CDC42BPA: variants seen among roughly 807,000 people sequenced by gnomAD.
The protein encoded by CDC42BPA is CDC42 binding protein kinase alpha.
Under a neutral mutation model 223.5 loss-of-function variants are expected in CDC42BPA, and 80 were observed. That is an observed-to-expected ratio of 0.36 (90% CI 0.30 to 0.43). The LOEUF (loss-of-function observed/expected upper bound fraction) is 0.43. Ranked by LOEUF, CDC42BPA falls within the 20% of genes least tolerant of loss-of-function variation. The probability of loss-of-function intolerance (pLI) is 1.00; values close to 1 mark genes in which losing one functional copy is unlikely to be tolerated. For missense variants in CDC42BPA, 1,743 were observed against 2,099.9 expected, an observed-to-expected ratio of 0.83 and a Z score of 3.32; for synonymous variants, 694 against 718.6, an observed-to-expected ratio of 0.97 and a Z score of 0.55.
Position 227,015,763 on chromosome 1 carries a change from C to T in CDC42BPA, c.4857+317G>A, listed in dbSNP as rs1047269283. 2.0e-5 allele frequency among the ~76,000 whole-genome samples: 3 copies of T among 152,156 alleles called. No homozygotes were observed. The East Asian group carries it at 5.8e-4, about 29-fold the overall frequency. ...TGAAATTTTAGTGATTTGGTAACCA[C>T]ATTCCAAATGTGGTATAGAACCTCT... On this transcript the variant is annotated intron_variant, in intron 34 of 36. Coordinates refer to ENST00000366766, the MANE Select transcript of CDC42BPA (RefSeq NM_001394014.1).
In CDC42BPA at chr1:227,259,527, G is replaced by A. The variant is rs554688417; in HGVS notation, c.179-5372C>T. Among the ~76,000 whole-genome samples, 24 of 151,022 alleles carry A rather than the reference G, an allele frequency of 1.6e-4. No homozygotes were observed. The East Asian group carries it at 3.5e-3, about 22-fold the overall frequency. The stretch of plus-strand genomic sequence containing the variant: ...ATTGCATCCCCGCCTTGTATTTCCC[G>A]AACAAGCCTGAATCTTACACTAAAT... On this transcript the variant is annotated intron_variant, in intron 1 of 36. Coordinates refer to ENST00000366766, the MANE Select transcript of CDC42BPA (RefSeq NM_001394014.1).
intron 34 of CDC42BPA, among the ~76,000 whole-genome samples, chr1:227,008,741 T>C (rs2148411255): frequency 6.6e-6 from 1 of 152,356 alleles, no homozygotes; most frequent in Admixed American, 6.5e-5. Context: ...TCGCACATAC[T>C]GAAAGTTGGC....
chr1:227,298,022 T>C (rs1404420061), intron 1 of CDC42BPA, among the ~76,000 whole-genome samples: 10 of 147,284 alleles, frequency 6.8e-5, no homozygotes, highest in African/African-American at 2.5e-4. Context: ...AATATATACA[T>C]ACATAAATAT....
intron 12 of CDC42BPA, among the ~76,000 whole-genome samples, chr1:227,113,302 A>G (rs1362612002): frequency 1.3e-5 from 2 of 152,268 alleles, no homozygotes; most frequent in African/African-American, 4.8e-5. Context: ...AGAAGCAAGG[A>G]GATAGAAACT....
chr1:227,088,373 T>TTTC, intron 16 of CDC42BPA, among the ~76,000 whole-genome samples: 1 of 152,336 alleles, frequency 6.6e-6, no homozygotes, highest in South Asian at 2.1e-4. Context: ...ACATTTGACT[T>TTTC]ATAAGAAGAC....
intron 5 of CDC42BPA, among the ~76,000 whole-genome samples, chr1:227,177,844 G>C (rs1667234824): frequency 6.6e-6 from 1 of 151,856 alleles, no homozygotes; most frequent in South Asian, 2.1e-4. Flanking sequence ...CTTTTTGTCT[G>C]TTTTTCATGG....
chr1:227,097,679 G>A (rs1005804671), intron 15 of CDC42BPA, among the ~76,000 whole-genome samples: 1 of 152,176 alleles, frequency 6.6e-6, no homozygotes, highest in Admixed American at 6.5e-5. Flanking sequence ...TGCACACTAA[G>A]AGGCAAAATG....
In CDC42BPA at chr1:227,101,154, T is replaced by C. The variant is rs1366988868; in HGVS notation, c.2087A>G (p.Lys696Arg). The change falls in exon 15 of 37, where the codon AAA (lysine) becomes AGA (arginine). Residue 696 changes from lysine to arginine, a missense_variant. Physicochemically the swap from Lys to Arg is conservative, Grantham distance 26. Coordinates refer to ENST00000366766, the MANE Select transcript of CDC42BPA (RefSeq NM_001394014.1). ...TAATTCTTCTTCATAAAAGATACTT[T>C]TCTTTTCCAAATCAGTCTTTAGTTT... Reference protein sequence around the residue: ...ITKLKTDLEKKSIFYEEELSK... With the variant: ...ITKLKTDLEKRSIFYEEELSK... 3.2e-6 allele frequency: 5 copies of C among 1,582,768 alleles called. No homozygotes were observed. Among genetic ancestry groups the C allele is most frequent in the Non-Finnish European group, 4.3e-6 (5 of 1,152,450 alleles).
intron 34 of CDC42BPA, among the ~76,000 whole-genome samples, chr1:227,014,171 A>G (rs191935420): frequency 2.7e-4 from 41 of 152,168 alleles, no homozygotes; most frequent in Middle Eastern, 3.4e-3. Context: ...CACTCCCAGA[A>G]AAAGGTTGAA....
intron 10 of CDC42BPA, among the ~76,000 whole-genome samples, chr1:227,132,550 C>A (rs1426033252): frequency 7.0e-6 from 1 of 142,834 alleles, no homozygotes; most frequent in South Asian, 2.1e-4. Flanking sequence ...GCCTGGCTGC[C>A]ACCCCGTCTG....
At chr1:227,069,984 A>C in intron 20 of CDC42BPA, 131 bp from the exon 21 acceptor site, 2 of 526,218 alleles carry the variant, frequency 3.8e-6, no homozygotes, top group Non-Finnish European at 6.9e-6. Flanking sequence ...ACTATAATTA[A>C]CTCTACATTT....
At chr1:227,197,394 CAGG>C (rs949752172) in intron 4 of CDC42BPA, among the ~76,000 whole-genome samples, 1 of 152,098 alleles carries the variant, frequency 6.6e-6, no homozygotes, top group African/African-American at 2.4e-5. Flanking sequence ...TGGCAAGTTA[CAGG>C]AGATTTGACT....
chr1:227,310,733 C>A (rs1693374572), intron 1 of CDC42BPA, among the ~76,000 whole-genome samples: 2 of 148,774 alleles, frequency 1.3e-5, no homozygotes, highest in Non-Finnish European at 3.0e-5. Context: ...GTCGCCCAGA[C>A]TGGAGTGCAG....
intron 3 of CDC42BPA, among the ~76,000 whole-genome samples, chr1:227,210,494 A>C (rs1412523023): frequency 6.6e-6 from 1 of 152,150 alleles, no homozygotes; most frequent in Non-Finnish European, 1.5e-5. Context: ...AGTCTATTCC[A>C]TCTTGTCTCA....
intron 1 of CDC42BPA, among the ~76,000 whole-genome samples, chr1:227,303,880 T>C (rs1172717904): frequency 6.6e-6 from 1 of 152,252 alleles, no homozygotes; most frequent in African/African-American, 2.4e-5. Flanking sequence ...TATATTTGTA[T>C]GCTCAATCCA....
chr1:227,162,987 TTTCCAAACATG>T (rs1558648951), intron 5 of CDC42BPA, among the ~76,000 whole-genome samples: 11 of 118,412 alleles, frequency 9.3e-5, no homozygotes, highest in Non-Finnish European at 2.0e-5. Flanking sequence ...TCCAAACATG[TTTCCAAACATG>T]TGTATGTTTC....
At chr1:227,226,638 C>A (rs1676915334) in intron 2 of CDC42BPA, among the ~76,000 whole-genome samples, 1 of 152,162 alleles carries the variant, frequency 6.6e-6, no homozygotes, top group Admixed American at 6.5e-5. Flanking sequence ...TATTCAGTTA[C>A]TGAAGAATAA....
chr1:227,205,307 C>T (rs182474487), intron 3 of CDC42BPA, among the ~76,000 whole-genome samples: 14 of 128,484 alleles, frequency 1.1e-4, no homozygotes, highest in Admixed American at 3.7e-4. Context: ...TATATATATA[C>T]ACACACACAC....
At chr1:227,025,692 T>G (rs1668131828) in intron 31 of CDC42BPA, among the ~76,000 whole-genome samples, 1 of 152,176 alleles carries the variant, frequency 6.6e-6, no homozygotes, top group Non-Finnish European at 1.5e-5. Context: ...CCTCACAGGA[T>G]TAAACACTGG....
Sources: gnomAD v4.1 joint callset for allele counts (sites outside exome capture counted in the v4.1 genomes callset) on GRCh38, gnomAD v4.1.1 for gene constraint, MANE v1.5 for transcripts, NCBI Gene and HGNC (gene_info 2026-07-23, HGNC 2026-07-21) for gene names.